Variants in HS3ST4 observed in about 807,000 individuals in gnomAD.
The protein encoded by HS3ST4 is heparan sulfate-glucosamine 3-sulfotransferase 4, also known as heparan sulfate glucosamine 3-O-sulfotransferase 4.
In HS3ST4, 17 loss-of-function variants were observed where a neutral mutation model predicts 29.2. The ratio of observed to expected loss-of-function variants is 0.58; its 90% CI spans 0.40 to 0.87. HS3ST4 has a LOEUF of 0.87. HS3ST4 is among the 40% of genes least tolerant of loss of function. The pLI is 0.00. For missense variants in HS3ST4, 627 were observed against 634.5 expected (o/e 0.99, Z 0.13); for synonymous variants, 314 against 285.7 (o/e 1.10, Z -1.00).
chr16:25,990,805 T>A (rs935872967), intron 1 of HS3ST4, among the ~76,000 whole-genome samples: 1 of 152,188 alleles, frequency 6.6e-6, no homozygotes, highest in Non-Finnish European at 1.5e-5. Flanking sequence ...TGGTCAATTT[T>A]AAAAAAATGA....
At chr16:26,007,910 G>A (rs1596642724) in intron 1 of HS3ST4, among the ~76,000 whole-genome samples, 1 of 147,298 alleles carries the variant, frequency 6.8e-6, no homozygotes, top group African/African-American at 2.6e-5. Flanking sequence ...TAGACACATG[G>A]CCACTTTTTT....
intron 1 of HS3ST4, among the ~76,000 whole-genome samples, chr16:25,921,929 A>G (rs751523101): frequency 7.3e-5 from 11 of 151,660 alleles, no homozygotes; most frequent in Admixed American, 3.3e-4. Context: ...TAATTTTTGT[A>G]TTTTTTGTAG....
chr16:26,124,887 G>T (rs540247164), intron 1 of HS3ST4, among the ~76,000 whole-genome samples: 1 of 152,368 alleles, frequency 6.6e-6, no homozygotes, highest in African/African-American at 2.4e-5. Context: ...AGGTGAAAAT[G>T]AACTGAAAAG....
At chr16:25,769,092 C>A (rs1430927651) in intron 1 of HS3ST4, among the ~76,000 whole-genome samples, 3 of 152,150 alleles carry the variant, frequency 2.0e-5, no homozygotes, top group Non-Finnish European at 2.9e-5. Context: ...ACATACGAAT[C>A]TGGAGTCAGT....
intron 1 of HS3ST4, among the ~76,000 whole-genome samples, chr16:25,870,274 C>T (rs1291460858): frequency 3.3e-5 from 5 of 152,016 alleles, no homozygotes; most frequent in Non-Finnish European, 7.4e-5. Flanking sequence ...GCTGTGGATA[C>T]AACAGTGAAT....
At chr16:25,720,344 C>A (rs562778715) in intron 1 of HS3ST4, among the ~76,000 whole-genome samples, 30 of 152,232 alleles carry the variant, frequency 2.0e-4, no homozygotes, top group African/African-American at 7.2e-4. Context: ...TCCCATAAGA[C>A]CCCTAGTAAG....
intron 1 of HS3ST4, among the ~76,000 whole-genome samples, chr16:25,702,271 C>T (rs1034677938): frequency 2.6e-5 from 4 of 152,142 alleles, no homozygotes; most frequent in Admixed American, 1.3e-4. Context: ...TAATAGAATT[C>T]ATTAAGGTGG....
intron 1 of HS3ST4, among the ~76,000 whole-genome samples, chr16:25,806,837 A>G (rs551536656): frequency 7.2e-5 from 11 of 152,052 alleles, no homozygotes; most frequent in Non-Finnish European, 1.3e-4. Flanking sequence ...ATATGCATGC[A>G]TATGTGTGCA....
rs1968051137 is a variant in HS3ST4 at position 25,895,408 on chromosome 16, T to C, written c.734+202257T>C. ...TCATGGGCAGTGATGTGATCAGAGT[T>C]GTTTTAGAAAGATCACTCTGATAGA... is the stretch of plus-strand genomic sequence containing the variant. On this transcript the variant is annotated intron_variant, in intron 1 of 1. Transcript: ENST00000331351. Among the ~76,000 whole-genome samples the C allele has an allele frequency of 2.0e-5, 3 of 152,100 alleles. No individual in the cohort carries two copies. In the South Asian group the frequency reaches 6.2e-4, roughly 32 times the overall value.
chr16:25,979,360 C>T (rs1567286204), intron 1 of HS3ST4, among the ~76,000 whole-genome samples: 1 of 152,162 alleles, frequency 6.6e-6, no homozygotes, highest in Non-Finnish European at 1.5e-5. Flanking sequence ...AGGTGAGTGG[C>T]TGGTGAGCAA....
At chr16:26,102,475 C>G (rs1033693832) in intron 1 of HS3ST4, among the ~76,000 whole-genome samples, 1 of 152,114 alleles carries the variant, frequency 6.6e-6, no homozygotes, top group African/African-American at 2.4e-5. Flanking sequence ...TTTCTCCCTT[C>G]GTGGTGCCAT....
intron 1 of HS3ST4, among the ~76,000 whole-genome samples, chr16:25,919,279 C>T (rs1968323297): frequency 6.6e-6 from 1 of 152,160 alleles, no homozygotes; most frequent in South Asian, 2.1e-4. Context: ...GATCCTCAGC[C>T]TAGGCCTTCC....
At chr16:25,961,621 G>C (rs1448347550) in intron 1 of HS3ST4, among the ~76,000 whole-genome samples, 21 of 152,138 alleles carry the variant, frequency 1.4e-4, no homozygotes. Flanking sequence ...CTTGCAATAA[G>C]CAACAGTGTG....
intron 1 of HS3ST4, among the ~76,000 whole-genome samples, chr16:25,869,735 C>T (rs1488731397): frequency 2.0e-5 from 3 of 152,136 alleles, no homozygotes; most frequent in African/African-American, 2.4e-5. Flanking sequence ...GTGATATTAA[C>T]CAGATGGGAA....
At chr16:25,900,317 T>C (rs902735049) in intron 1 of HS3ST4, among the ~76,000 whole-genome samples, 2 of 152,188 alleles carry the variant, frequency 1.3e-5, no homozygotes, top group Non-Finnish European at 2.9e-5. Flanking sequence ...AATGAAAAAA[T>C]GAATGAATAA....
chr16:26,028,931 T>C (rs1048961949), intron 1 of HS3ST4: 1 of 152,298 alleles, frequency 6.6e-6, no homozygotes, highest in African/African-American at 2.4e-5. Flanking sequence ...CATACTACCC[T>C]GAACATACCC....
intron 1 of HS3ST4, among the ~76,000 whole-genome samples, chr16:25,923,221 A>G (rs1968371382): frequency 6.6e-6 from 1 of 152,198 alleles, no homozygotes; most frequent in Non-Finnish European, 1.5e-5. Flanking sequence ...GAACTTCTGA[A>G]GAAGTGGCAG....
At chr16:26,007,680 G>A (rs888545733) in intron 1 of HS3ST4, among the ~76,000 whole-genome samples, 3 of 152,142 alleles carry the variant, frequency 2.0e-5, no homozygotes, top group Non-Finnish European at 4.4e-5. Context: ...GTGCTTTCAG[G>A]CATTGAAGAC....
At chr16:25,979,742 A>C (rs1004151503) in intron 1 of HS3ST4, among the ~76,000 whole-genome samples, 7 of 152,206 alleles carry the variant, frequency 4.6e-5, no homozygotes, top group African/African-American at 1.4e-4. Flanking sequence ...CATCAAAAAA[A>C]TTGTCTTCTA....
Sources: allele counts gnomAD v4.1 joint callset (sites outside exome capture counted in the v4.1 genomes callset), GRCh38; gene constraint gnomAD v4.1.1; transcripts MANE v1.5; gene names NCBI Gene and HGNC (gene_info 2026-07-23, HGNC 2026-07-21).